Variants in SMPX observed in about 807,000 individuals in gnomAD.
SMPX encodes small muscular protein.
Under a neutral mutation model 6.3 loss-of-function variants are expected in SMPX, and 2 were observed. The observed-to-expected ratio is 0.32, with a 90% CI of 0.13 to 0.99. The LOEUF (loss-of-function observed/expected upper bound fraction) is 0.99, where lower values mean the gene tolerates loss of function less well. Among genes scored for constraint, SMPX ranks in the 50% least tolerant of loss-of-function variants. SMPX has a pLI of 0.49. For synonymous variants in SMPX, 32 were observed against 24.7 expected (o/e 1.30, Z -0.88); for missense variants, 60 against 66.8 (o/e 0.90, Z 0.36).
chrX:21,732,331 C>G (rs2092805902), intron 4 of SMPX, among the ~76,000 whole-genome samples: 1 of 112,242 alleles, frequency 8.9e-6, no homozygotes, highest in Non-Finnish European at 1.9e-5. Flanking sequence ...ATGAGACAAA[C>G]TTGACATTTT....
chrX:21,748,149 C>T (rs1483487335), intron 2 of SMPX, among the ~76,000 whole-genome samples: 1 of 111,736 alleles, frequency 8.9e-6, no homozygotes, highest in African/African-American at 3.2e-5. Context: ...TATCTACCTA[C>T]TACAATATAG....
chrX:21,736,836 C>T (rs1036169655), intron 4 of SMPX, among the ~76,000 whole-genome samples: 1 of 111,154 alleles, frequency 9.0e-6, no homozygotes, highest in African/African-American at 3.3e-5. Context: ...AGACTTGGGC[C>T]AATTCCACAC....
chrX:21,746,244 A>T (rs141674285), intron 2 of SMPX, among the ~76,000 whole-genome samples: 279 of 111,869 alleles, frequency 2.5e-3, no homozygotes, highest in African/African-American at 8.3e-3. Context: ...CCTCACAACA[A>T]ACTTTTGAGG....
At chrX:21,735,597 G>T in intron 4 of SMPX, among the ~76,000 whole-genome samples, 1 of 112,164 alleles carries the variant, frequency 8.9e-6, no homozygotes, top group South Asian at 3.7e-4. Flanking sequence ...AACACTGCGA[G>T]ATCCTCTCTA....
At chrX:21,741,342 C>T (rs1301984319) in intron 3 of SMPX, among the ~76,000 whole-genome samples, 4 of 112,147 alleles carry the variant, frequency 3.6e-5, no homozygotes, top group Non-Finnish European at 5.6e-5. Context: ...AGGCAACGAA[C>T]GAATTTTAAG....
chrX:21,725,972 G>A (rs1361491420), intron 4 of SMPX, among the ~76,000 whole-genome samples: 1 of 111,901 alleles, frequency 8.9e-6, no homozygotes, highest in African/African-American at 3.3e-5. Flanking sequence ...TGGGCAGACT[G>A]TGAGGACAGC....
chrX:21,735,767 G>A (rs2092809831), intron 4 of SMPX, among the ~76,000 whole-genome samples: 1 of 112,161 alleles, frequency 8.9e-6, no homozygotes, highest in Admixed American at 9.5e-5. Flanking sequence ...TTGGTTGGGT[G>A]ATGATAATAA....
intron 2 of SMPX, among the ~76,000 whole-genome samples, chrX:21,748,611 C>T (rs912357005): frequency 8.9e-6 from 1 of 111,782 alleles, no homozygotes; most frequent in Non-Finnish European, 1.9e-5. Context: ...GGAGGTAATA[C>T]TGAACCCACT....
At chrX:21,731,716 ATGTACACATTAATGTGTATATGT>A (rs2092805155) in intron 4 of SMPX, among the ~76,000 whole-genome samples, 1 of 102,109 alleles carries the variant, frequency 9.8e-6, no homozygotes, top group African/African-American at 3.6e-5. Context: ...ATATGTGTAT[ATGTACACATTAATGTGTATATGT>A]GTATATGTAC....
intron 4 of SMPX, among the ~76,000 whole-genome samples, chrX:21,710,060 A>T (rs761803558): frequency 8.9e-6 from 1 of 111,946 alleles, no homozygotes; most frequent in Non-Finnish European, 1.9e-5. Context: ...GGCTATACTG[A>T]GAAACATAGG....
chrX:21,756,864 G>A (rs1410449051), intron 1 of SMPX, among the ~76,000 whole-genome samples: 4 of 112,423 alleles, frequency 3.6e-5, no homozygotes, highest in Non-Finnish European at 1.9e-5. Flanking sequence ...GTTTGACAAG[G>A]CATATATTGA....
At chrX:21,716,822 A>T (rs1008451210) in intron 4 of SMPX, among the ~76,000 whole-genome samples, 1 of 112,060 alleles carries the variant, frequency 8.9e-6, no homozygotes, top group Non-Finnish European at 1.9e-5. Context: ...TTGGAAAGAA[A>T]GAAGAGAGAT....
chrX:21,716,322 C>G (rs780536787), intron 4 of SMPX, among the ~76,000 whole-genome samples: 13 of 112,305 alleles, frequency 1.2e-4, no homozygotes, highest in African/African-American at 4.2e-4. Context: ...AGTCTCCAGG[C>G]TGGTTCCAAG....
rs755102711 is a variant in SMPX at position 21,732,414 on chromosome X, T to G, written c.*14+5135A>C. On this transcript the variant is annotated intron_variant, in intron 4 of 4. Transcript: ENST00000379494. ...CAAATTTCTGGGCCCATTACTGATT[T>G]TGGTCAACAATGTTAACTATGGACC... Among the ~76,000 whole-genome samples the G allele has an allele frequency of 3.6e-5, 4 of 112,101 alleles. No homozygotes were observed. The South Asian group carries it at 1.5e-3, about 42-fold the overall frequency.
At chrX:21,736,639 A>G (rs1022997409) in intron 4 of SMPX, among the ~76,000 whole-genome samples, 7 of 112,144 alleles carry the variant, frequency 6.2e-5, no homozygotes, top group East Asian at 2.8e-4. Flanking sequence ...GATTGAATGA[A>G]TGGGTGAGTG....
intron 4 of SMPX, among the ~76,000 whole-genome samples, chrX:21,713,284 C>T (rs1192749709): frequency 4.5e-5 from 5 of 112,247 alleles, no homozygotes; most frequent in African/African-American, 1.3e-4. Context: ...GGTTGAGTCA[C>T]TTGTCCAGGA....
chrX:21,744,644 CAAAA>C (rs1380336850), intron 2 of SMPX, among the ~76,000 whole-genome samples: 1 of 111,997 alleles, frequency 8.9e-6, no homozygotes, highest in Non-Finnish European at 1.9e-5. Flanking sequence ...TAATGCAGAT[CAAAA>C]ATGTCCTCAA....
chrX:21,714,967 C>CT (rs754927574), intron 4 of SMPX, among the ~76,000 whole-genome samples: 2 of 110,754 alleles, frequency 1.8e-5, no homozygotes, highest in African/African-American at 6.6e-5. Context: ...TTTCAAGTAC[C>CT]TTTTTTTTAA....
At chrX:21,753,092 C>CT (rs1185498866) in intron 2 of SMPX, among the ~76,000 whole-genome samples, 1 of 112,000 alleles carries the variant, frequency 8.9e-6, no homozygotes, top group East Asian at 2.8e-4. Flanking sequence ...TCTGCTAACA[C>CT]TGTCAGGGAA....
Sources: allele counts gnomAD v4.1 joint callset (sites outside exome capture counted in the v4.1 genomes callset), GRCh38; gene constraint gnomAD v4.1.1; transcripts MANE v1.5; gene names NCBI Gene and HGNC (gene_info 2026-07-23, HGNC 2026-07-21).